The following CSNK1D variants were observed in gnomAD, a reference collection of about 807,000 sequenced individuals.
CSNK1D encodes the protein casein kinase 1 delta, also known as casein kinase I isoform delta.
Under a neutral mutation model 46.6 loss-of-function variants are expected in CSNK1D, and 16 were observed. The ratio of observed to expected loss-of-function variants is 0.34; its 90% CI spans 0.23 to 0.52. CSNK1D has a LOEUF of 0.52. Ranked by LOEUF, CSNK1D falls within the 20% of genes least tolerant of loss-of-function variation. The pLI is 0.95. For missense variants in CSNK1D, 398 were observed against 578.4 expected, an observed-to-expected ratio of 0.69 and a Z score of 3.20; for synonymous variants, 276 against 228.2, an observed-to-expected ratio of 1.21 and a Z score of -1.89.
chr17:82,268,911 T>C (rs759623124), intron 1 of CSNK1D, among the ~76,000 whole-genome samples: 1 of 151,728 alleles, frequency 6.6e-6, no homozygotes, highest in South Asian at 2.1e-4. Context: ...CTGGCCCACA[T>C]GGTGAAACCC....
At chr17:82,247,437 T>G in intron 8 of CSNK1D, 1 of 985,462 alleles carries the variant, frequency 1.0e-6, no homozygotes, top group Non-Finnish European at 1.2e-6. Flanking sequence ...CACTTTACTT[T>G]CTTTAAAAGA....
At chr17:82,266,810 C>G (rs2051481462) in intron 1 of CSNK1D, 1 of 152,344 alleles carries the variant, frequency 6.6e-6, no homozygotes, top group Non-Finnish European at 1.5e-5. Flanking sequence ...CCTGTAATCC[C>G]AGCACTTTGG....
intron 2 of CSNK1D, among the ~76,000 whole-genome samples, chr17:82,261,958 A>T (rs982545884): frequency 6.6e-6 from 1 of 152,136 alleles, no homozygotes; most frequent in Non-Finnish European, 1.5e-5. Context: ...AACTAAGTAA[A>T]TGTCCTTTGC....
At chr17:82,269,298 C>T (rs577144343) in intron 1 of CSNK1D, among the ~76,000 whole-genome samples, 2 of 152,096 alleles carry the variant, frequency 1.3e-5, no homozygotes, top group Non-Finnish European at 2.9e-5. Context: ...CAGCGGTCAG[C>T]AGTACCACGA....
intron 2 of CSNK1D, among the ~76,000 whole-genome samples, chr17:82,264,668 A>C (rs971779459): frequency 6.6e-6 from 1 of 152,216 alleles, no homozygotes; most frequent in Non-Finnish European, 1.5e-5. Flanking sequence ...GAAGGAGCAG[A>C]GGCCTCACTC....
In CSNK1D at chr17:82,251,422, C is replaced by G; in HGVS notation, c.842G>C (p.Gly281Ala). Residue 281 changes from glycine to alanine, a missense_variant, in exon 6 of 9, where the codon GGC (glycine) becomes GCC (alanine). Physicochemically the swap from Gly to Ala is moderately conservative, Grantham distance 60. This residue lies in a region of CSNK1D where 181 missense variants were observed against 208.0 expected (regional missense o/e 0.87). Transcript: ENST00000314028. This position sits in a 1 kb window ranked among gnomAD's most constrained non-coding sequence, Gnocchi z 4.5. ...GTCGAACACGTAGTCATAGGAGAAG[C>G]CCTGGCGATGGAACAGATTCCGGAA... ...QLFRNLFHRQ[G>A]FSYDYVFDWN... 1 of 1,614,152 alleles carries G rather than the reference C, an allele frequency of 6.2e-7. No homozygotes were observed. Among genetic ancestry groups the G allele is most frequent in the South Asian group, 1.1e-5 (1 of 91,072 alleles).
Position 82,252,913 on chromosome 17 carries a change from C to T in CSNK1D, c.565+103G>A, listed in dbSNP as rs915042112. The T allele has an allele frequency of 1.7e-5, 19 of 1,095,188 alleles. No individual in the cohort carries two copies. The highest frequency in any genetic ancestry group is 2.5e-5 in the East Asian group (1 of 39,550). The allele number at this position is 1,095,188 out of a possible 1,614,324, so 67.8% of individuals were successfully genotyped here. The stretch of plus-strand genomic sequence containing the variant: ...TGTCTGCCGCAAAGGTCTGATGACA[C>T]GCTTGCAGCCCCAGCTCCCCGAGAG... On this transcript the variant is annotated intron_variant, in intron 4 of 8. Transcript: ENST00000314028. This position sits in a 1 kb window ranked among gnomAD's most constrained non-coding sequence, Gnocchi z 4.6.
Position 82,252,957 on chromosome 17 carries a change from T to G in CSNK1D, c.565+59A>C. 1 of 1,478,230 alleles carries G rather than the reference T, an allele frequency of 6.8e-7. No individual in the cohort carries two copies. Among genetic ancestry groups the G allele is most frequent in the South Asian group, 1.1e-5 (1 of 87,470 alleles). The allele number at this position is 1,478,230 out of a possible 1,614,324, so 91.6% of individuals were successfully genotyped here. A position where few individuals can be genotyped will look rare whatever the true frequency, so the allele number is the denominator to read the frequency against. Reference sequence around the variant, plus strand: ...CCGAGAGGCTGGCCTCTCCCTGGGCTGAGGCATGGACGCGCCCAAAGGCAC... The same window carrying G: ...CCGAGAGGCTGGCCTCTCCCTGGGCGGAGGCATGGACGCGCCCAAAGGCAC... On this transcript the variant is annotated intron_variant, in intron 4 of 8. Coordinates refer to ENST00000314028, the MANE Select transcript of CSNK1D (RefSeq NM_001893.6). The surrounding 1 kb of genome is among the most constrained non-coding windows in gnomAD (Gnocchi z 4.6).
At chr17:82,261,470 A>G (rs928957428) in intron 2 of CSNK1D, among the ~76,000 whole-genome samples, 1 of 152,266 alleles carries the variant, frequency 6.6e-6, no homozygotes, top group African/African-American at 2.4e-5. Context: ...CTCATCTGTG[A>G]AAAGTTTCAA....
chr17:82,272,811 G>A lies in CSNK1D; in HGVS notation c.76+495C>T, dbSNP rs575017515. On this transcript the variant is annotated intron_variant, in intron 1 of 8. Coordinates refer to ENST00000314028, the MANE Select transcript of CSNK1D (RefSeq NM_001893.6). ...GACCGGGCTGCGGAAGAAAGAGCGT[G>A]GCCTTTGTTTACTGCGGTGACCTTA... is the stretch of plus-strand genomic sequence containing the variant. Among the ~76,000 whole-genome samples, 6 of 152,322 alleles carry A rather than the reference G, an allele frequency of 3.9e-5. No homozygotes were observed. The South Asian group carries it at 1.0e-3, about 26-fold the overall frequency.
downstream of CSNK1D, among the ~76,000 whole-genome samples, chr17:82,241,988 C>T (rs1190715601): frequency 6.6e-6 from 1 of 152,032 alleles, no homozygotes; most frequent in African/African-American, 2.4e-5. Context: ...ACAAAAATAT[C>T]CTCCTCTTAG....
chr17:82,247,000 G>A (rs919109647), intron 8 of CSNK1D: 1 of 985,390 alleles, frequency 1.0e-6, no homozygotes, highest in Non-Finnish European at 1.2e-6. Flanking sequence ...CTGGCAGGAA[G>A]GACACACGGC....
intron 2 of CSNK1D, among the ~76,000 whole-genome samples, chr17:82,258,703 TGCCATGTGTTC>T (rs1359883653): frequency 6.6e-6 from 1 of 152,208 alleles, no homozygotes; most frequent in Non-Finnish European, 1.5e-5. Flanking sequence ...AACAAATGCC[TGCCATGTGTTC>T]CAGATTCACC....
downstream of CSNK1D, among the ~76,000 whole-genome samples, chr17:82,242,369 C>T (rs1034776866): frequency 2.0e-5 from 3 of 152,194 alleles, no homozygotes; most frequent in African/African-American, 7.2e-5. Context: ...GGCTGGAGTG[C>T]GGCTGCCGGT....
Position 82,255,101 on chromosome 17 carries a change from G to A in CSNK1D, c.336+328C>T, listed in dbSNP as rs2051141694. On this transcript the variant is annotated intron_variant, in intron 3 of 8. Coordinates refer to ENST00000314028, the MANE Select transcript of CSNK1D (RefSeq NM_001893.6). The surrounding 1 kb of genome is among the most constrained non-coding windows in gnomAD (Gnocchi z 5.9). ...GAAGCCAGTGAGCTGGGCCGCCGGA[G>A]CCTCGAGAAGCCAGTGAGCTGAGCC... is the stretch of plus-strand genomic sequence containing the variant. The A allele has an allele frequency of 1.0e-5, 4 of 393,174 alleles. No individual in the cohort carries two copies. The highest frequency in any genetic ancestry group is 6.4e-5 in the African/African-American group (3 of 46,712). 24.4% of individuals were successfully genotyped at this position (393,174 alleles called of 1,614,324 possible). A position where few individuals can be genotyped will look rare whatever the true frequency, so the allele number is the denominator to read the frequency against.
intron 2 of CSNK1D, among the ~76,000 whole-genome samples, chr17:82,263,180 C>G (rs1433853094): frequency 6.6e-6 from 1 of 151,738 alleles, no homozygotes; most frequent in Admixed American, 6.6e-5. Flanking sequence ...ACTCTGTCTC[C>G]AAACAAAAAC....
At chr17:82,258,204 C>CA (rs36125401) in intron 2 of CSNK1D, among the ~76,000 whole-genome samples, 3,303 of 51,128 alleles carry the variant, frequency 0.065, 180 homozygotes, top group Admixed American at 0.24. Flanking sequence ...GAGACCGTCT[C>CA]AAAAAAAAAA....
downstream of CSNK1D, among the ~76,000 whole-genome samples, chr17:82,241,489 G>C (rs1224596714): frequency 2.0e-5 from 3 of 152,256 alleles, no homozygotes; most frequent in Non-Finnish European, 4.4e-5. Flanking sequence ...CAGATGAGAT[G>C]GAACAGGCCT....
chr17:82,252,178 C>G lies in CSNK1D; in HGVS notation c.736+256G>C, dbSNP rs538699425. ...TCCAGCCACTTGGGGCCCTGAGGCT[C>G]GGGCCTGCCTTGCCTGCCATCTCTC... On this transcript the variant is annotated intron_variant, in intron 5 of 8. Transcript: ENST00000314028. This position sits in a 1 kb window ranked among gnomAD's most constrained non-coding sequence, Gnocchi z 4.6. Among the ~76,000 whole-genome samples, 3 of 152,308 alleles carry G rather than the reference C, an allele frequency of 2.0e-5. No individual in the cohort carries two copies. In the East Asian group the frequency reaches 5.8e-4, roughly 29 times the overall value.
Sources: gnomAD v4.1 joint callset for allele counts (sites outside exome capture counted in the v4.1 genomes callset) on GRCh38, gnomAD v4.1.1 for gene constraint, gnomAD v4.1.1 regional missense constraint, Gnocchi (gnomAD v3.1) non-coding constraint, MANE v1.5 for transcripts, NCBI Gene and HGNC (gene_info 2026-07-23, HGNC 2026-07-21) for gene names.